Variants in KIRREL3 observed in about 807,000 individuals in gnomAD.
KIRREL3 encodes the protein kirre like nephrin family adhesion molecule 3.
Under a neutral mutation model 89.7 loss-of-function variants are expected in KIRREL3, and 36 were observed. That is an observed-to-expected ratio of 0.40 (90% CI 0.31 to 0.53). KIRREL3 has a LOEUF of 0.53. Ranked by LOEUF, KIRREL3 falls within the 20% of genes least tolerant of loss-of-function variation. KIRREL3 has a pLI of 0.49. For missense variants in KIRREL3, 864 were observed against 1,056.6 expected (o/e 0.82, Z 2.53); for synonymous variants, 445 against 441.4 (o/e 1.01, Z -0.10).
At position 126,531,569 on chromosome 11, in the gene KIRREL3, C is replaced by T. The variant is rs1958945330; in HGVS notation, c.134-4882G>A. Among the ~76,000 whole-genome samples, 3 of 151,356 alleles carry T rather than the reference C, an allele frequency of 2.0e-5. No homozygotes were observed. Among genetic ancestry groups the T allele is most frequent in the Admixed American group, 2.0e-4 (3 of 15,206 alleles). On this transcript the variant is annotated intron_variant, in intron 2 of 16. Coordinates refer to ENST00000525144, the MANE Select transcript of KIRREL3 (RefSeq NM_032531.4). This position sits in a 1 kb window ranked among gnomAD's most constrained non-coding sequence, Gnocchi z 4.7. ...CACTGCATCCCCCCACCCAAGGCTC[C>T]CCCACCCAAGGCCCCCCCTAAGCAA...
At chr11:126,456,294 G>T in intron 7 of KIRREL3, 55 bp downstream of exon 7, 1 of 1,216,992 alleles carries the variant, frequency 8.2e-7, no homozygotes, top group Non-Finnish European at 1.2e-6. Context: ...CCACGTGAGA[G>T]GCACGGGGGT....
intron 1 of KIRREL3, among the ~76,000 whole-genome samples, chr11:126,887,122 C>T (rs1187315494): frequency 6.6e-6 from 1 of 152,020 alleles, no homozygotes; most frequent in Non-Finnish European, 1.5e-5. Flanking sequence ...ATGAAGGGAC[C>T]CACATGAGAT....
Position 126,456,502 on chromosome 11 carries a change from A to C in KIRREL3, c.743-48T>G, listed in dbSNP as rs375834868. The stretch of plus-strand genomic sequence containing the variant: ...TGTAGACCGGAGAAAGAATGGGGGC[A>C]GGGAGATCCTGGGCGACATGGAGGA... On this transcript the variant is annotated intron_variant, in intron 6 of 16. Coordinates refer to ENST00000525144, the MANE Select transcript of KIRREL3 (RefSeq NM_032531.4). 3 of 1,269,318 alleles carry C rather than the reference A, an allele frequency of 2.4e-6. No individual in the cohort carries two copies. In the Admixed American group the frequency reaches 6.2e-5, roughly 26 times the overall value. The allele number at this position is 1,269,318 out of a possible 1,614,324, so 78.6% of individuals were successfully genotyped here.
intron 1 of KIRREL3, among the ~76,000 whole-genome samples, chr11:126,885,950 GA>G (rs1805657240): frequency 6.6e-6 from 1 of 152,198 alleles, no homozygotes; most frequent in South Asian, 2.1e-4. Context: ...GTAAAGATAA[GA>G]AATATGACTA....
At chr11:126,958,182 T>A (rs1258036501) in intron 1 of KIRREL3, among the ~76,000 whole-genome samples, 2 of 152,130 alleles carry the variant, frequency 1.3e-5, no homozygotes, top group Admixed American at 6.5e-5. Flanking sequence ...GTTTAAAAAA[T>A]AATAATAAAA....
intron 1 of KIRREL3, among the ~76,000 whole-genome samples, chr11:126,875,897 T>C (rs1945267675): frequency 6.6e-6 from 1 of 152,200 alleles, no homozygotes; most frequent in Non-Finnish European, 1.5e-5. Context: ...ATGAATACTT[T>C]GAGGGAAAAC....
chr11:126,948,414 T>G lies in KIRREL3; in HGVS notation c.55+52041A>C, dbSNP rs1565449477. Among the ~76,000 whole-genome samples, 1 of 151,780 alleles carries G rather than the reference T, an allele frequency of 6.6e-6. No homozygotes were observed. The highest frequency in any genetic ancestry group is 1.5e-5 in the Non-Finnish European group (1 of 67,964). ...GGGTATTAGCTAAGGTCCAAGAGAG[T>G]CAAGTGCTATGCTCAGAGCTAAGAG... is the stretch of plus-strand genomic sequence containing the variant. On this transcript the variant is annotated intron_variant, in intron 1 of 16. Coordinates refer to ENST00000525144, the MANE Select transcript of KIRREL3 (RefSeq NM_032531.4). The surrounding 1 kb of genome is among the most constrained non-coding windows in gnomAD (Gnocchi z 4.5).
chr11:126,863,524 CGTGTGTGAGT>C (rs1944802133), intron 1 of KIRREL3, among the ~76,000 whole-genome samples: 2 of 113,776 alleles, frequency 1.8e-5, no homozygotes, highest in African/African-American at 6.9e-5. Context: ...TGTTTGAGTG[CGTGTGTGAGT>C]GCGTGTGAGT....
intron 2 of KIRREL3, chr11:126,549,861 T>C (rs1939121062): frequency 6.6e-6 from 1 of 152,178 alleles, no homozygotes; most frequent in Non-Finnish European, 1.5e-5. Context: ...GCCCACCGCC[T>C]CGGCAGGCTG....
Position 126,441,363 on chromosome 11 carries a change from T to C in KIRREL3, c.1253-814A>G, listed in dbSNP as rs1208352717. 2.0e-5 allele frequency among the ~76,000 whole-genome samples: 3 copies of C among 152,232 alleles called. No individual in the cohort carries two copies. Among genetic ancestry groups the C allele is most frequent in the African/African-American group, 7.2e-5 (3 of 41,462 alleles). On this transcript the variant is annotated intron_variant, in intron 10 of 16. Transcript: ENST00000525144. This position sits in a 1 kb window ranked among gnomAD's most constrained non-coding sequence, Gnocchi z 5.0. ...AGAGTTCACCTGGTGGAGGGGAGCC[T>C]GTTCCCCAGCGCCTCCTGTCCAGTT...
In KIRREL3 at chr11:126,898,567, G is replaced by A. The variant is rs1228048527; in HGVS notation, c.55+101888C>T. ...AATACGAACAATTCCTAAAAGCAGC[G>A]TTAGTTGAAAGCAGAAACAGAATTA... is the stretch of plus-strand genomic sequence containing the variant. On this transcript the variant is annotated intron_variant, in intron 1 of 16. Transcript: ENST00000525144. The surrounding 1 kb of genome is among the most constrained non-coding windows in gnomAD (Gnocchi z 4.9). Among the ~76,000 whole-genome samples, 1 of 152,148 alleles carries A rather than the reference G, an allele frequency of 6.6e-6. No individual in the cohort carries two copies. The highest frequency in any genetic ancestry group is 6.5e-5 in the Admixed American group (1 of 15,282).
chr11:126,479,237 C>T (rs903351426), intron 4 of KIRREL3, among the ~76,000 whole-genome samples: 1 of 152,170 alleles, frequency 6.6e-6, no homozygotes, highest in Non-Finnish European at 1.5e-5. Context: ...ATCTCCCACA[C>T]CTTCAGCATC....
chr11:126,840,165 A>C (rs1376512827), intron 1 of KIRREL3, among the ~76,000 whole-genome samples: 3 of 152,180 alleles, frequency 2.0e-5, no homozygotes, highest in Non-Finnish European at 4.4e-5. Context: ...TTGAGCACAG[A>C]GTTATTATTT....
Position 126,830,913 on chromosome 11 carries a change from C to T in KIRREL3, c.55+169542G>A, listed in dbSNP as rs117765996. ...GATGTTGCTTTATGGGCAAGGGGTA[C>T]GGCCACATATGCCTTCATTGATGTG... is the stretch of plus-strand genomic sequence containing the variant. On this transcript the variant is annotated intron_variant, in intron 1 of 16. Transcript: ENST00000525144. This position sits in a 1 kb window ranked among gnomAD's most constrained non-coding sequence, Gnocchi z 4.9. Among the ~76,000 whole-genome samples, 164 of 152,210 alleles carry T rather than the reference C, an allele frequency of 1.1e-3. 2 individuals carry two copies. The highest frequency in any genetic ancestry group is 3.1e-3 in the African/African-American group (130 of 41,540).
At position 126,456,418 on chromosome 11, in the gene KIRREL3, G is replaced by T; in HGVS notation, c.779C>A (p.Pro260Gln). The change falls in exon 7 of 17, where the codon CCA becomes CAA. Residue 260 changes from proline (P) to glutamine (Q), a missense_variant. Pro to Gln is a moderately conservative substitution (Grantham distance 76). Coordinates refer to ENST00000525144, the MANE Select transcript of KIRREL3 (RefSeq NM_032531.4). Reference sequence around the variant, plus strand: ...AGTGACGACGTTGTCCTCCAGCACTGGCTGTGGCTCCACCGAGAGGTTGAC... The same window carrying T: ...AGTGACGACGTTGTCCTCCAGCACTTGCTGTGGCTCCACCGAGAGGTTGAC... ...PLVNLSVEPQ[P>Q]VLEDNVVTFH... is the part of the protein sequence containing the mutation. 7 of 1,589,606 alleles carry T rather than the reference G, an allele frequency of 4.4e-6. No individual in the cohort carries two copies. Among genetic ancestry groups the T allele is most frequent in the East Asian group, 2.3e-5 (1 of 43,838 alleles).
chr11:126,458,037 A>G (rs1318190853), intron 6 of KIRREL3, among the ~76,000 whole-genome samples: 2 of 152,066 alleles, frequency 1.3e-5, no homozygotes, highest in Admixed American at 1.3e-4. Flanking sequence ...CCCCCGGGGC[A>G]TCCACACGCC....
At position 126,613,871 on chromosome 11, in the gene KIRREL3, C is replaced by CTTTTTTTTTT. The variant is rs5795506; in HGVS notation, c.56-50969_56-50960dup. On this transcript the variant is annotated intron_variant, in intron 1 of 16. Coordinates refer to ENST00000525144, the MANE Select transcript of KIRREL3 (RefSeq NM_032531.4). ...CATTTCTGGAATGTTAATACTGTTG[C>CTTTTTTTTTT]TTTTTTTTTTTTTTTTTTTTTTATT... Among the ~76,000 whole-genome samples the CTTTTTTTTTT allele has an allele frequency of 5.3e-4, 47 of 88,528 alleles. 1 individual carries two copies. The highest frequency in any genetic ancestry group is 8.9e-4 in the African/African-American group (17 of 19,044). 58.1% of individuals were successfully genotyped at this position (88,528 alleles called of 152,430 possible).
At chr11:126,661,929 T>C (rs752536353) in intron 1 of KIRREL3, among the ~76,000 whole-genome samples, 7 of 152,114 alleles carry the variant, frequency 4.6e-5, no homozygotes, top group Non-Finnish European at 7.4e-5. Flanking sequence ...AAACCCAGCC[T>C]TCGAAACAGC....
rs1324266170 is a variant in KIRREL3 at position 126,611,266 on chromosome 11, G to T, written c.56-48354C>A. On this transcript the variant is annotated intron_variant, in intron 1 of 16. Transcript: ENST00000525144. This position sits in a 1 kb window ranked among gnomAD's most constrained non-coding sequence, Gnocchi z 4.7. ...GTGAATGTTAGCTGCTATTACTGTT[G>T]TTCCTACCACCGCACCCTCTCCCAT... Among the ~76,000 whole-genome samples, 5 of 152,160 alleles carry T rather than the reference G, an allele frequency of 3.3e-5. No homozygotes were observed. Among genetic ancestry groups the T allele is most frequent in the African/African-American group, 9.7e-5 (4 of 41,440 alleles).
Sources: allele counts gnomAD v4.1 joint callset (sites outside exome capture counted in the v4.1 genomes callset), GRCh38; gene constraint gnomAD v4.1.1; non-coding constraint Gnocchi (gnomAD v3.1); transcripts MANE v1.5; gene names NCBI Gene and HGNC (gene_info 2026-07-23, HGNC 2026-07-21).